The following RIMKLA variants were observed in gnomAD, a reference collection of about 807,000 sequenced individuals.
RIMKLA encodes ribosomal modification protein rimK like family member A, also known as N-acetylaspartylglutamate synthase A.
In RIMKLA, 14 loss-of-function variants were observed where a neutral mutation model predicts 32.7. The observed-to-expected ratio is 0.43, with a 90% CI of 0.28 to 0.67. The LOEUF (loss-of-function observed/expected upper bound fraction) is 0.67, where lower values mean the gene tolerates loss of function less well. Ranked by LOEUF, RIMKLA falls within the 30% of genes least tolerant of loss-of-function variation. The probability of loss-of-function intolerance (pLI) is 0.18; values close to 1 mark genes in which losing one functional copy is unlikely to be tolerated. For synonymous variants in RIMKLA, 176 were observed against 204.1 expected, an observed-to-expected ratio of 0.86 and a Z score of 1.18; for missense variants, 410 against 519.0, an observed-to-expected ratio of 0.79 and a Z score of 2.04.
At chr1:42,393,317 G>A (rs1643015686) in intron 1 of RIMKLA, among the ~76,000 whole-genome samples, 1 of 152,152 alleles carries the variant, frequency 6.6e-6, no homozygotes, top group African/African-American at 2.4e-5. Flanking sequence ...CAATCAATGT[G>A]TTTCAGGAGT....
intron 1 of RIMKLA, among the ~76,000 whole-genome samples, chr1:42,385,833 TTTCTTTCTTTC>T (rs1570313891): frequency 1.4e-4 from 12 of 85,972 alleles, no homozygotes; most frequent in Admixed American, 3.7e-4. Flanking sequence ...CCTTCCTTTC[TTTCTTTCTTTC>T]TCTTTCTTTC....
At chr1:42,389,634 A>G (rs1424157687) in intron 1 of RIMKLA, among the ~76,000 whole-genome samples, 1 of 152,094 alleles carries the variant, frequency 6.6e-6, no homozygotes, top group African/African-American at 2.4e-5. Context: ...CAACATGGTG[A>G]AATCCCGTCT....
Position 42,380,960 on chromosome 1 carries a change from C to G in RIMKLA, c.26C>G (p.Thr9Arg). The change falls in exon 1 of 5, where the codon ACG (threonine) becomes AGG (arginine). Residue 9 changes from threonine to arginine, a missense_variant. Thr to Arg is a moderately conservative substitution (Grantham distance 71). Coordinates refer to ENST00000431473, the MANE Select transcript of RIMKLA (RefSeq NM_173642.4). ...ATGTGCTCCCAGCTCTGGTTCCTGA[C>G]GGACCGGCGCATCCGCGAGGACTAC... MCSQLWFL[T>R]DRRIREDYPQ... The G allele has an allele frequency of 6.9e-7, 1 of 1,449,410 alleles. No homozygotes were observed. Among genetic ancestry groups the G allele is most frequent in the Non-Finnish European group, 9.1e-7 (1 of 1,101,542 alleles). The allele number at this position is 1,449,410 out of a possible 1,614,324, so 89.8% of individuals were successfully genotyped here.
intron 1 of RIMKLA, among the ~76,000 whole-genome samples, chr1:42,390,141 G>A (rs1342820155): frequency 6.7e-6 from 1 of 149,888 alleles, no homozygotes; most frequent in Non-Finnish European, 1.5e-5. Flanking sequence ...GGGTTCAAGC[G>A]ATTCCCCTGC....
chr1:42,409,823 G>C (rs1643181444), intron 3 of RIMKLA, among the ~76,000 whole-genome samples, 161 bp from the exon 4 acceptor site: 1 of 152,152 alleles, frequency 6.6e-6, no homozygotes, highest in Non-Finnish European at 1.5e-5. Context: ...AAGGTTCTGT[G>C]GTCATTTGAT....
chr1:42,401,278 T>C (rs898055034), intron 2 of RIMKLA, among the ~76,000 whole-genome samples: 2 of 152,250 alleles, frequency 1.3e-5, no homozygotes, highest in African/African-American at 4.8e-5. Flanking sequence ...TGCCGCCCGG[T>C]TCCTAACAGG....
At chr1:42,406,199 T>A (rs1366124246) in intron 3 of RIMKLA, among the ~76,000 whole-genome samples, 1 of 152,174 alleles carries the variant, frequency 6.6e-6, no homozygotes. Flanking sequence ...ATACATAATG[T>A]TTTGGAAATC....
At chr1:42,395,001 G>T (rs1362013071) in intron 1 of RIMKLA, among the ~76,000 whole-genome samples, 1 of 152,136 alleles carries the variant, frequency 6.6e-6, no homozygotes, top group Non-Finnish European at 1.5e-5. Flanking sequence ...GGCCTCCCAA[G>T]GTGCTGGGAT....
intron 3 of RIMKLA, among the ~76,000 whole-genome samples, 193 bp downstream of exon 3, chr1:42,404,790 A>G (rs1301430503): frequency 6.6e-6 from 1 of 152,102 alleles, no homozygotes; most frequent in East Asian, 1.9e-4. Flanking sequence ...AACTATTGCA[A>G]TCAACTCCTG....
intron 2 of RIMKLA, among the ~76,000 whole-genome samples, chr1:42,401,799 T>C (rs1046557934): frequency 1.3e-5 from 2 of 152,272 alleles, no homozygotes; most frequent in South Asian, 2.1e-4. Flanking sequence ...GGTCAAAGAA[T>C]AGGGACTCTT....
At chr1:42,389,878 T>A (rs1305161679) in intron 1 of RIMKLA, among the ~76,000 whole-genome samples, 1 of 152,108 alleles carries the variant, frequency 6.6e-6, no homozygotes, top group African/African-American at 2.4e-5. Context: ...GCAATGTGCG[T>A]GTAGCATTAG....
At chr1:42,401,617 A>ATG (rs1643098066) in intron 2 of RIMKLA, among the ~76,000 whole-genome samples, 2 of 152,250 alleles carry the variant, frequency 1.3e-5, no homozygotes, top group South Asian at 4.2e-4. Flanking sequence ...GTCAACATTG[A>ATG]TGTGTGTGTT....
intron 1 of RIMKLA, among the ~76,000 whole-genome samples, chr1:42,387,216 G>T (rs1642957378): frequency 6.6e-6 from 1 of 152,072 alleles, no homozygotes. Context: ...CCTCCAGCCT[G>T]GGTGATACAG....
intron 3 of RIMKLA, among the ~76,000 whole-genome samples, chr1:42,407,967 A>G (rs1447478098): frequency 1.3e-5 from 2 of 152,122 alleles, no homozygotes; most frequent in Non-Finnish European, 2.9e-5. Flanking sequence ...ACCCGAAACC[A>G]AGAAACCCAG....
At chr1:42,389,729 G>A (rs866730139) in intron 1 of RIMKLA, among the ~76,000 whole-genome samples, 8 of 147,826 alleles carry the variant, frequency 5.4e-5, no homozygotes, top group Non-Finnish European at 1.1e-4. Context: ...TGGGAGAATC[G>A]CTAGAACCTG....
At position 42,420,488 on chromosome 1, in the gene RIMKLA, T is replaced by A. The variant is rs10493110; in HGVS notation, c.*5514T>A. 96,505 of 152,076 alleles carry A rather than the reference T, an allele frequency of 0.63. 30,878 individuals are homozygous for A. The highest frequency in any genetic ancestry group is 0.73 in the South Asian group (3,502 of 4,816). 9.4% of individuals were successfully genotyped at this position (152,076 alleles called of 1,614,324 possible). On this transcript the variant is annotated 3_prime_UTR_variant, in exon 5 of 5. Coordinates refer to ENST00000431473, the MANE Select transcript of RIMKLA (RefSeq NM_173642.4). ...GTCTCCTGTCCTTGGGACAGAGCAG[T>A]TCCATTTATATTCTCACATACAACC...
chr1:42,385,890 CTTT>C (rs1557750111), intron 1 of RIMKLA, among the ~76,000 whole-genome samples: 1 of 95,196 alleles, frequency 1.1e-5, no homozygotes, highest in Non-Finnish European at 2.2e-5. Flanking sequence ...TTCTTTCTTT[CTTT>C]CTTTCCTTCT....
rs2148397961 is a variant in RIMKLA, at chr1:42,416,450, A to G, written c.*1476A>G. On this transcript the variant is annotated 3_prime_UTR_variant, in exon 5 of 5. Coordinates refer to ENST00000431473, the MANE Select transcript of RIMKLA (RefSeq NM_173642.4). ...CACCAAGATCATCCTGAGCTGCTTC[A>G]CCCATTTTATTTAGCAGACTTATTT... The G allele has an allele frequency of 6.6e-6, 1 of 152,136 alleles. No homozygotes were observed. The highest frequency in any genetic ancestry group is 1.5e-5 in the Non-Finnish European group (1 of 68,022). 9.4% of individuals were successfully genotyped at this position (152,136 alleles called of 1,614,324 possible).
chr1:42,413,518 AAAAAAAGAAAG>A (rs1221262854), intron 4 of RIMKLA, among the ~76,000 whole-genome samples: 22 of 143,314 alleles, frequency 1.5e-4, no homozygotes, highest in African/African-American at 4.9e-4. Context: ...AAAAAAAAAA[AAAAAAAGAAAG>A]AAAAAAGAAA....
Sources: allele counts gnomAD v4.1 joint callset (sites outside exome capture counted in the v4.1 genomes callset), GRCh38; gene constraint gnomAD v4.1.1; transcripts MANE v1.5; gene names NCBI Gene and HGNC (gene_info 2026-07-23, HGNC 2026-07-21).